KIRREL1: variants seen among roughly 807,000 people sequenced by gnomAD.
KIRREL1 encodes the protein kirre like nephrin family adhesion molecule 1, also known as kin of IRRE-like protein 1.
In KIRREL1, 25 loss-of-function variants were observed where a neutral mutation model predicts 83.3. The observed-to-expected ratio is 0.30, with a 90% CI of 0.22 to 0.42. The LOEUF (loss-of-function observed/expected upper bound fraction) is 0.42. Among genes scored for constraint, KIRREL1 ranks in the 10% least tolerant of loss-of-function variants. The pLI, the probability that KIRREL1 is intolerant of heterozygous loss-of-function variation, is 1.00. For synonymous variants in KIRREL1, 388 were observed against 410.4 expected (o/e 0.95, Z 0.66); for missense variants, 812 against 1,032.3 (o/e 0.79, Z 2.92).
At chr1:158,072,803 G>A (rs191207727) in intron 1 of KIRREL1, among the ~76,000 whole-genome samples, 23 of 152,230 alleles carry the variant, frequency 1.5e-4, no homozygotes, top group Non-Finnish European at 2.2e-4. Flanking sequence ...GGGGATGTGG[G>A]AGAGCAGAGG....
chr1:158,038,158 C>G (rs574140355), intron 1 of KIRREL1, among the ~76,000 whole-genome samples: 2 of 152,194 alleles, frequency 1.3e-5, no homozygotes, highest in African/African-American at 4.8e-5. Flanking sequence ...AATAGAGGTC[C>G]GTGTGGTGAC....
intron 1 of KIRREL1, among the ~76,000 whole-genome samples, chr1:158,042,323 C>T (rs1177301713): frequency 6.6e-5 from 10 of 152,010 alleles, no homozygotes; most frequent in Admixed American, 5.2e-4. Context: ...CCTAGATGCT[C>T]CCGGCACCAG....
intron 1 of KIRREL1, among the ~76,000 whole-genome samples, chr1:158,006,390 C>T (rs768069747): frequency 2.6e-5 from 4 of 152,192 alleles, no homozygotes; most frequent in African/African-American, 4.8e-5. Context: ...TAACTGAACA[C>T]GTCTCCAGTC....
chr1:158,004,672 G>A (rs4971172), intron 1 of KIRREL1, among the ~76,000 whole-genome samples: 35,724 of 152,106 alleles, frequency 0.23, 4,516 homozygotes, highest in Middle Eastern at 0.35. Flanking sequence ...AGCCAGGCAT[G>A]GTGGCTCATA....
chr1:158,082,585 C>T (rs1435718918), intron 3 of KIRREL1, among the ~76,000 whole-genome samples: 1 of 152,216 alleles, frequency 6.6e-6, no homozygotes, highest in Non-Finnish European at 1.5e-5. Context: ...AAGATCTCCT[C>T]TTGAGTGTTC....
At chr1:158,074,194 T>A (rs968641232) in intron 1 of KIRREL1, among the ~76,000 whole-genome samples, 8 of 152,044 alleles carry the variant, frequency 5.3e-5, no homozygotes, top group Non-Finnish European at 8.8e-5. Flanking sequence ...AAGACATGAA[T>A]GAAAGGTCAG....
rs548707549 is a variant in KIRREL1, at chr1:158,088,413, C to A, written c.1003C>A (p.Pro335Thr). The A allele has an allele frequency of 6.9e-7, 1 of 1,445,114 alleles. No homozygotes were observed. Among genetic ancestry groups the A allele is most frequent in the African/African-American group, 1.4e-5 (1 of 71,434 alleles). 89.5% of individuals were successfully genotyped at this position (1,445,114 alleles called of 1,614,324 possible). A position where few individuals can be genotyped will look rare whatever the true frequency, so the allele number is the denominator to read the frequency against. ...VTLTCVWVGNPPLTLTWTKKD... is the reference protein window; with the variant it reads ...VTLTCVWVGNTPLTLTWTKKD... ...CCTTACCTGTGTCTGGGTTGGGAATCCCCCCCTCACTCTCACCTGGACCAA... is the reference window on the plus strand; with the variant it reads ...CCTTACCTGTGTCTGGGTTGGGAATACCCCCCTCACTCTCACCTGGACCAA... The change falls in exon 8 of 15, where the codon CCC becomes ACC. Residue 335 changes from proline to threonine, a missense_variant. Pro to Thr is a conservative substitution (Grantham distance 38, BLOSUM62 -1). This residue lies in a region of KIRREL1 where 472 missense variants were observed against 626.8 expected (regional missense o/e 0.75). Coordinates refer to ENST00000359209, the MANE Select transcript of KIRREL1 (RefSeq NM_018240.7).
At chr1:158,019,434 AT>A (rs1659937852) in intron 1 of KIRREL1, among the ~76,000 whole-genome samples, 1 of 152,178 alleles carries the variant, frequency 6.6e-6, no homozygotes, top group Admixed American at 6.5e-5. Flanking sequence ...GATTTGGAGC[AT>A]TTTGGCAGAT....
In KIRREL1 at chr1:158,094,790, C is replaced by T. The variant is rs1662308073; in HGVS notation, c.1944C>T (p.Ala648=). 5 of 1,614,052 alleles carry T rather than the reference C, an allele frequency of 3.1e-6. No homozygotes were observed. Among genetic ancestry groups the T allele is most frequent in the Non-Finnish European group, 4.2e-6 (5 of 1,180,006 alleles). Reference sequence around the variant, plus strand: ...GTCTCTCCCACTCCAGCGGCTATGCCCAGCTCAACACCTATAGCCGGGGCC... The same window carrying T: ...GTCTCTCCCACTCCAGCGGCTATGCTCAGCTCAACACCTATAGCCGGGGCC... ...SSRLSHSSGY[A]QLNTYSRGPA... Residue 648 remains alanine (A), a synonymous_variant, in exon 15 of 15, where the codon GCC becomes GCT. Coordinates refer to ENST00000359209, the MANE Select transcript of KIRREL1 (RefSeq NM_018240.7). The surrounding 1 kb of genome is among the most constrained non-coding windows in gnomAD (Gnocchi z 4.6).
intron 1 of KIRREL1, among the ~76,000 whole-genome samples, chr1:158,014,771 G>C (rs1659781756): frequency 1.3e-5 from 2 of 151,800 alleles, no homozygotes; most frequent in Non-Finnish European, 1.5e-5. Flanking sequence ...CTAAGTTGTG[G>C]ACTTTTCTTT....
chr1:158,029,059 G>A (rs913049750), intron 1 of KIRREL1, among the ~76,000 whole-genome samples: 3 of 152,170 alleles, frequency 2.0e-5, no homozygotes, highest in African/African-American at 7.2e-5. Context: ...AGATACGTAT[G>A]GTCCAGCCCC....
chr1:158,047,376 G>A (rs995371333), intron 1 of KIRREL1, among the ~76,000 whole-genome samples: 2 of 152,174 alleles, frequency 1.3e-5, no homozygotes, highest in Non-Finnish European at 2.9e-5. Flanking sequence ...TCTGACTGGG[G>A]TGGGGAATGG....
intron 1 of KIRREL1, among the ~76,000 whole-genome samples, chr1:158,069,012 G>A (rs11264893): frequency 0.078 from 11,873 of 152,156 alleles, 524 homozygotes; most frequent in African/African-American, 0.13. Context: ...TGATAAATCC[G>A]GGGAGACAGG....
intron 1 of KIRREL1, among the ~76,000 whole-genome samples, chr1:157,996,610 G>C (rs1204629150): frequency 6.6e-6 from 1 of 152,140 alleles, no homozygotes; most frequent in African/African-American, 2.4e-5. Flanking sequence ...CCTGAGTACA[G>C]CTGAATCCTG....
chr1:158,056,018 C>G (rs929537907), intron 1 of KIRREL1, among the ~76,000 whole-genome samples: 8 of 152,200 alleles, frequency 5.3e-5, no homozygotes, highest in African/African-American at 1.9e-4. Context: ...TCCCTCAGCC[C>G]CATCCCCCTC....
At chr1:157,999,302 G>A (rs900597304) in intron 1 of KIRREL1, among the ~76,000 whole-genome samples, 1 of 152,156 alleles carries the variant, frequency 6.6e-6, no homozygotes, top group African/African-American at 2.4e-5. Flanking sequence ...AAGGAGGTTT[G>A]GAAAGCCTCA....
intron 1 of KIRREL1, among the ~76,000 whole-genome samples, chr1:158,064,651 C>T (rs578142513): frequency 2.0e-5 from 3 of 152,258 alleles, no homozygotes; most frequent in South Asian, 4.2e-4. Flanking sequence ...AATATCTATT[C>T]CTTGGGATCT....
chr1:158,065,051 C>G (rs532350313), intron 1 of KIRREL1, among the ~76,000 whole-genome samples: 3 of 151,488 alleles, frequency 2.0e-5, no homozygotes, highest in African/African-American at 7.3e-5. Flanking sequence ...GAGAGGGGTC[C>G]TTCAGAGTGC....
chr1:158,036,787 T>C (rs545187114), intron 1 of KIRREL1, among the ~76,000 whole-genome samples: 7 of 152,186 alleles, frequency 4.6e-5, no homozygotes, highest in Admixed American at 3.3e-4. Context: ...TTTTCTGGCC[T>C]GAAGTAGGGG....
Sources: gnomAD v4.1 joint callset for allele counts (sites outside exome capture counted in the v4.1 genomes callset) on GRCh38, gnomAD v4.1.1 for gene constraint, gnomAD v4.1.1 regional missense constraint, Gnocchi (gnomAD v3.1) non-coding constraint, MANE v1.5 for transcripts, NCBI Gene and HGNC (gene_info 2026-07-23, HGNC 2026-07-21) for gene names.